KAZN: variants seen among roughly 807,000 people sequenced by gnomAD.
KAZN encodes kazrin, periplakin interacting protein, also known as kazrin.
In KAZN, 40 loss-of-function variants were observed where a neutral mutation model predicts 87.4. The observed-to-expected ratio is 0.46, with a 90% CI of 0.36 to 0.60. KAZN has a LOEUF of 0.60. KAZN is among the 20% of genes least tolerant of loss of function. KAZN has a pLI of 0.00. For missense variants in KAZN, 898 were observed against 1,073.9 expected (o/e 0.84, Z 2.29); for synonymous variants, 466 against 458.3 (o/e 1.02, Z -0.22).
intron 8 of KAZN, among the ~76,000 whole-genome samples, chr1:15,082,638 T>C (rs1640061582): frequency 6.6e-6 from 1 of 152,162 alleles, no homozygotes; most frequent in Non-Finnish European, 1.5e-5. Context: ...CCATGCAGGG[T>C]GGGCATAGGA....
intron 2 of KAZN, among the ~76,000 whole-genome samples, chr1:14,415,921 C>T (rs769962462): frequency 2.0e-5 from 3 of 152,130 alleles, no homozygotes; most frequent in Non-Finnish European, 4.4e-5. Context: ...CATGATGTCA[C>T]TTTCAGTCTG....
chr1:14,344,902 T>C (rs1657999341), intron 2 of KAZN, among the ~76,000 whole-genome samples: 1 of 151,576 alleles, frequency 6.6e-6, no homozygotes, highest in Admixed American at 6.6e-5. Context: ...ACACACACCA[T>C]TGCCATCCCC....
chr1:14,552,058 G>A (rs191585662), intron 2 of KAZN, among the ~76,000 whole-genome samples: 9 of 151,752 alleles, frequency 5.9e-5, no homozygotes, highest in African/African-American at 1.5e-4. Context: ...AAGATTTCTA[G>A]GAGTTGGTTC....
chr1:14,793,621 C>T (rs1645746222), intron 1 of KAZN, among the ~76,000 whole-genome samples: 1 of 152,206 alleles, frequency 6.6e-6, no homozygotes, highest in African/African-American at 2.4e-5. Flanking sequence ...TGGTGGGTGG[C>T]ACACAGTATG....
chr1:14,143,731 T>C (rs1322791443), intron 1 of KAZN, among the ~76,000 whole-genome samples: 1 of 152,142 alleles, frequency 6.6e-6, no homozygotes, highest in Admixed American at 6.5e-5. Context: ...TTTTTTCTTT[T>C]TTTTGAGACA....
chr1:14,354,450 G>T (rs916303126), intron 2 of KAZN, among the ~76,000 whole-genome samples: 3 of 152,094 alleles, frequency 2.0e-5, no homozygotes, highest in Non-Finnish European at 2.9e-5. Flanking sequence ...TGTAAAAAAT[G>T]CTTATAATTC....
intron 4 of KAZN, among the ~76,000 whole-genome samples, chr1:15,047,060 G>A (rs996485198): frequency 3.3e-5 from 5 of 152,188 alleles, no homozygotes; most frequent in Admixed American, 6.5e-5. Context: ...TCAGCTTCTG[G>A]CCTCCTTCTG....
intron 1 of KAZN, among the ~76,000 whole-genome samples, chr1:13,962,473 G>A (rs1297251681): frequency 2.0e-5 from 3 of 152,098 alleles, no homozygotes; most frequent in Admixed American, 6.5e-5. Context: ...GGGCTCTCTG[G>A]GGCCAGGCAT....
intron 3 of KAZN, among the ~76,000 whole-genome samples, chr1:15,039,150 A>G (rs892585120): frequency 2.6e-5 from 4 of 152,244 alleles, no homozygotes; most frequent in African/African-American, 9.7e-5. Context: ...TTGTGCACCT[A>G]CCGTGCACAG....
chr1:13,940,192 G>A (rs1640877235), intron 1 of KAZN, among the ~76,000 whole-genome samples: 1 of 152,140 alleles, frequency 6.6e-6, no homozygotes. Context: ...TTTTGGAATA[G>A]TTTCAGTAGG....
At chr1:14,834,826 GTATTA>G (rs1374474055) in intron 1 of KAZN, among the ~76,000 whole-genome samples, 37 of 152,234 alleles carry the variant, frequency 2.4e-4, no homozygotes, top group Non-Finnish European at 8.8e-5. Context: ...ATTAGTATTA[GTATTA>G]GTATTATATA....
intron 2 of KAZN, among the ~76,000 whole-genome samples, chr1:14,478,002 C>T (rs74923602): frequency 0.034 from 5,157 of 152,270 alleles, 237 homozygotes; most frequent in East Asian, 0.18. Flanking sequence ...CACAGCTCAC[C>T]GCTAGGTGAA....
chr1:14,349,707 C>T (rs898061038), intron 2 of KAZN, among the ~76,000 whole-genome samples: 5 of 152,102 alleles, frequency 3.3e-5, no homozygotes. Context: ...AAGGTACGTT[C>T]AGGGTTAAAG....
At chr1:13,921,967 G>A (rs904687745) in intron 1 of KAZN, among the ~76,000 whole-genome samples, 1 of 152,130 alleles carries the variant, frequency 6.6e-6, no homozygotes, top group Non-Finnish European at 1.5e-5. Flanking sequence ...CTATGATCAG[G>A]TCATGAGTCA....
At chr1:14,924,315 C>T in intron 1 of KAZN, 4 of 985,732 alleles carry the variant, frequency 4.1e-6, no homozygotes, top group Non-Finnish European at 4.8e-6. Flanking sequence ...CGGCGCGCGC[C>T]GTCGGAGCCC....
chr1:14,888,211 A>G (rs1016477543), intron 1 of KAZN, among the ~76,000 whole-genome samples: 1 of 152,240 alleles, frequency 6.6e-6, no homozygotes, highest in Non-Finnish European at 1.5e-5. Flanking sequence ...GCTCCCAGGC[A>G]CAGAGGCCTC....
At chr1:13,916,017 G>T (rs1269784334) in intron 1 of KAZN, among the ~76,000 whole-genome samples, 2 of 152,168 alleles carry the variant, frequency 1.3e-5, no homozygotes, top group African/African-American at 2.4e-5. Flanking sequence ...GTTGGGGGCC[G>T]GGGAGTGGGG....
At position 14,835,899 on chromosome 1, in the gene KAZN, G is replaced by T. The variant is rs140258270; in HGVS notation, c.227-124785G>T. On this transcript the variant is annotated intron_variant, in intron 1 of 14. Coordinates refer to ENST00000376030, the MANE Select transcript of KAZN (RefSeq NM_201628.3). The stretch of plus-strand genomic sequence containing the variant: ...AATGTGTAACACTCCAATTTTCCCT[G>T]CTGACTCATAACCCAGTGAGACTGA... Among the ~76,000 whole-genome samples, 587 of 148,480 alleles carry T rather than the reference G, an allele frequency of 4.0e-3. 4 individuals carry two copies. The highest frequency in any genetic ancestry group is 0.014 in the African/African-American group (548 of 40,170).
intron 8 of KAZN, among the ~76,000 whole-genome samples, chr1:15,074,289 T>C (rs1483934313): frequency 6.6e-6 from 1 of 152,252 alleles, no homozygotes; most frequent in African/African-American, 2.4e-5. Flanking sequence ...CTCCAGTGTA[T>C]TCGGCTTGTT....
Sources: allele counts gnomAD v4.1 joint callset (sites outside exome capture counted in the v4.1 genomes callset), GRCh38; gene constraint gnomAD v4.1.1; transcripts MANE v1.5; gene names NCBI Gene and HGNC (gene_info 2026-07-23, HGNC 2026-07-21).